Variants in CNTRL observed in about 807,000 individuals in gnomAD.
The protein encoded by CNTRL is 110 kDa centrosomal protein.
In CNTRL, 233 loss-of-function variants were observed where a neutral mutation model predicts 303.7. The ratio of observed to expected loss-of-function variants is 0.77; its 90% CI spans 0.69 to 0.86. The LOEUF (loss-of-function observed/expected upper bound fraction) is 0.86, where lower values mean the gene tolerates loss of function less well. CNTRL is among the 40% of genes least tolerant of loss of function. The probability of loss-of-function intolerance (pLI) is 0.00; values close to 1 mark genes in which losing one functional copy is unlikely to be tolerated. For synonymous variants in CNTRL, 900 were observed against 922.2 expected, an observed-to-expected ratio of 0.98 and a Z score of 0.44; for missense variants, 2,524 against 2,650.6, an observed-to-expected ratio of 0.95 and a Z score of 1.05.
At position 121,148,805 on chromosome 9, in the gene CNTRL, G is replaced by A; in HGVS notation, c.3593G>A (p.Gly1198Glu). The A allele has an allele frequency of 2.5e-6, 4 of 1,613,964 alleles. No individual in the cohort carries two copies. The highest frequency in any genetic ancestry group is 3.4e-6 in the Non-Finnish European group (4 of 1,180,002). The change falls in exon 24 of 44, where the codon GGA becomes GAA. Residue 1198 changes from glycine (G) to glutamate (E), a missense_variant. By Grantham distance (98) the Gly-to-Glu change is moderately conservative (BLOSUM62 -2). Transcript: ENST00000373855. Reference protein sequence around the residue: ...KEGSQPPPASGYWVYSPIRSG... With the variant: ...KEGSQPPPASEYWVYSPIRSG... The stretch of plus-strand genomic sequence containing the variant: ...GGCAGTCAACCTCCCCCTGCCTCAG[G>A]ATACTGGGTTTATTCTCCCATCAGG...
chr9:121,115,365 T>C (rs1241382369), intron 11 of CNTRL, among the ~76,000 whole-genome samples, 165 bp downstream of exon 11: 7 of 152,244 alleles, frequency 4.6e-5, no homozygotes, highest in Non-Finnish European at 2.9e-5. Context: ...AATTGTAATT[T>C]TCTTCCATTT....
chr9:121,151,384 CTTCTTT>C lies in CNTRL; in HGVS notation c.3963+904_3963+909del, dbSNP rs1307351695. ...GATTACTTCCTTTTTCTTTTTTCTT[CTTCTTT>C]TTTTTTTTTTTTTTTTTTGAGACGG... On this transcript the variant is annotated intron_variant, in intron 25 of 43. Coordinates refer to ENST00000373855, the MANE Select transcript of CNTRL (RefSeq NM_007018.6). 5.5e-5 allele frequency among the ~76,000 whole-genome samples: 5 copies of C among 91,518 alleles called. 1 individual carries two copies. In the South Asian group the frequency reaches 2.0e-3, roughly 37 times the overall value. 60.0% of individuals were successfully genotyped at this position (91,518 alleles called of 152,430 possible).
rs1186871146 is a variant in CNTRL, at chr9:121,171,218, C to G, written c.6277-190C>G. 3 of 677,678 alleles carry G rather than the reference C, an allele frequency of 4.4e-6. No homozygotes were observed. In the African/African-American group the frequency reaches 5.3e-5, roughly 12 times the overall value. 42.0% of individuals were successfully genotyped at this position (677,678 alleles called of 1,614,324 possible). Reference sequence around the variant, plus strand: ...TATTATCAAAGGTAATGCTAACAGACTCTGACGTGTATATACGCCCAGCTG... The same window carrying G: ...TATTATCAAAGGTAATGCTAACAGAGTCTGACGTGTATATACGCCCAGCTG... On this transcript the variant is annotated intron_variant, in intron 39 of 43. Transcript: ENST00000373855.
At chr9:121,141,313 T>C in intron 17 of CNTRL, 68 bp from the exon 18 acceptor site, 2 of 1,237,006 alleles carry the variant, frequency 1.6e-6, no homozygotes, top group Middle Eastern at 1.9e-4. Context: ...CTAAAGTTAA[T>C]AGCATGTTTG....
chr9:121,092,446 A>AGATAATATATATCTATAT (rs71370626), intron 4 of CNTRL, among the ~76,000 whole-genome samples: 12 of 111,636 alleles, frequency 1.1e-4, no homozygotes, highest in African/African-American at 4.0e-4. Context: ...ATAGATAGAT[A>AGATAATATATATCTATAT]ATATATATCT....
At position 121,127,720 on chromosome 9, in the gene CNTRL, G is replaced by GT. The variant is rs968623933; in HGVS notation, c.2025+1787dup. Among the ~76,000 whole-genome samples, 20 of 151,788 alleles carry GT rather than the reference G, an allele frequency of 1.3e-4. 1 individual carries two copies. The highest frequency in any genetic ancestry group is 3.6e-4 in the African/African-American group (15 of 41,302). Reference sequence around the variant, plus strand: ...GCAGATTTGTTACATAGGTATACATGTTTCACGTTGGTTTGCTGCACCCAT... The same window carrying GT: ...GCAGATTTGTTACATAGGTATACATGTTTTCACGTTGGTTTGCTGCACCCAT... On this transcript the variant is annotated intron_variant, in intron 14 of 43. Coordinates refer to ENST00000373855, the MANE Select transcript of CNTRL (RefSeq NM_007018.6).
At chr9:121,161,401 A>T (rs1036502860) in intron 32 of CNTRL, 5 of 381,796 alleles carry the variant, frequency 1.3e-5, no homozygotes, top group African/African-American at 8.3e-5. Context: ...AAGTATTTTT[A>T]ATTTATTTTG....
chr9:121,104,890 G>A (rs977287183), intron 7 of CNTRL, among the ~76,000 whole-genome samples: 1 of 151,856 alleles, frequency 6.6e-6, no homozygotes, highest in Non-Finnish European at 1.5e-5. Flanking sequence ...TAGTAGAGAC[G>A]GGGTTTGTCT....
intron 7 of CNTRL, 58 bp from the exon 8 acceptor site, chr9:121,107,744 T>TA: frequency 9.3e-7 from 1 of 1,076,588 alleles, no homozygotes. Context: ...GAAATATTCT[T>TA]ACCTTTTTAA....
intron 14 of CNTRL, among the ~76,000 whole-genome samples, chr9:121,130,377 G>T (rs551085896): frequency 3.3e-5 from 5 of 152,208 alleles, no homozygotes; most frequent in African/African-American, 1.2e-4. Flanking sequence ...ATGTGTCCAG[G>T]AATTTATCCA....
intron 12 of CNTRL, chr9:121,121,642 T>A (rs755962741): frequency 4.4e-5 from 8 of 183,724 alleles, no homozygotes; most frequent in Non-Finnish European, 3.1e-5. Context: ...GGGAACGAGC[T>A]GTAGTGATCT....
At chr9:121,082,771 A>C (rs1157605026) in intron 2 of CNTRL, among the ~76,000 whole-genome samples, 1 of 152,094 alleles carries the variant, frequency 6.6e-6, no homozygotes, top group Non-Finnish European at 1.5e-5. Context: ...GGAGTTCGAG[A>C]CCAGCCTGGC....
intron 26 of CNTRL, among the ~76,000 whole-genome samples, chr9:121,154,111 T>C (rs1352687672): frequency 6.6e-6 from 1 of 152,256 alleles, no homozygotes; most frequent in African/African-American, 2.4e-5. Flanking sequence ...AAAAATCATA[T>C]GTATGCCTTC....
chr9:121,150,229 C>G lies in CNTRL; in HGVS notation c.3709C>G (p.Pro1237Ala). 1 of 1,613,888 alleles carries G rather than the reference C, an allele frequency of 6.2e-7. No individual in the cohort carries two copies. The highest frequency in any genetic ancestry group is 8.5e-7 in the Non-Finnish European group (1 of 1,179,860). Residue 1237 changes from proline (P) to alanine (A), a missense_variant, in exon 25 of 44, where the codon CCA becomes GCA. Pro to Ala is a conservative substitution (Grantham distance 27). Transcript: ENST00000373855. ...ESELDDQEEP[P>A]FVPPPGYMMY... ...TGAGCTGGATGACCAAGAAGAACCC[C>G]CATTTGTGCCTCCTCCTGGATACAT...
chr9:121,112,094 A>G (rs2049772235), intron 8 of CNTRL, among the ~76,000 whole-genome samples: 1 of 152,174 alleles, frequency 6.6e-6, no homozygotes, highest in Non-Finnish European at 1.5e-5. Context: ...AGTTTAAGAA[A>G]TTAGTGCTAA....
intron 7 of CNTRL, among the ~76,000 whole-genome samples, chr9:121,105,371 A>G (rs966351550): frequency 6.6e-5 from 10 of 152,216 alleles, no homozygotes; most frequent in African/African-American, 2.4e-4. Flanking sequence ...CTAGATGGTG[A>G]TATCATTTAT....
At chr9:121,169,097 TACTC>T (rs1399289689) in intron 38 of CNTRL, among the ~76,000 whole-genome samples, 4 of 152,222 alleles carry the variant, frequency 2.6e-5, no homozygotes, top group Non-Finnish European at 5.9e-5. Context: ...ATCTGTCGAG[TACTC>T]ACTATGTACC....
intron 16 of CNTRL, among the ~76,000 whole-genome samples, chr9:121,140,227 A>G (rs2051424475): frequency 2.0e-5 from 3 of 152,190 alleles, no homozygotes; most frequent in Admixed American, 6.5e-5. Context: ...CAGCATTTAT[A>G]TAGGCTTGCT....
chr9:121,124,213 A>C (rs1398472283), intron 13 of CNTRL, 129 bp downstream of exon 13: 7 of 817,606 alleles, frequency 8.6e-6, no homozygotes, highest in Non-Finnish European at 1.3e-5. Context: ...TTGATAGGGA[A>C]ATATTTACAG....
Sources: allele counts gnomAD v4.1 joint callset (sites outside exome capture counted in the v4.1 genomes callset), GRCh38; gene constraint gnomAD v4.1.1; transcripts MANE v1.5; gene names NCBI Gene and HGNC (gene_info 2026-07-23, HGNC 2026-07-21).